The following TPRG1 variants were observed in gnomAD, a reference collection of about 807,000 sequenced individuals.
TPRG1 encodes tumor protein p63 regulated 1.
A neutral mutation model predicts 29.3 loss-of-function variants in TPRG1; 29 were observed. The observed-to-expected ratio is 0.99, with a 90% CI of 0.74 to 1.35. The LOEUF (loss-of-function observed/expected upper bound fraction) is 1.35, where lower values mean the gene tolerates loss of function less well. Ranked by LOEUF, TPRG1 falls within the 40% of genes most tolerant of loss-of-function variation. The probability of loss-of-function intolerance (pLI) is 0.00; values close to 1 mark genes in which losing one functional copy is unlikely to be tolerated. For synonymous variants in TPRG1, 130 were observed against 116.8 expected, an observed-to-expected ratio of 1.11 and a Z score of -0.73; for missense variants, 327 against 335.0, an observed-to-expected ratio of 0.98 and a Z score of 0.19.
At chr3:189,108,219 C>T (rs1560451591) in intron 1 of TPRG1, among the ~76,000 whole-genome samples, 1 of 152,142 alleles carries the variant, frequency 6.6e-6, no homozygotes, top group Non-Finnish European at 1.5e-5. Context: ...AGAGTGTGCT[C>T]TGCAATTGGA....
intron 2 of TPRG1, 77 bp downstream of exon 2, chr3:189,207,671 A>AT: frequency 7.4e-7 from 1 of 1,347,028 alleles, no homozygotes; most frequent in African/African-American, 1.4e-5. Context: ...TGTATCACAT[A>AT]TTTACTGAGT....
chr3:189,103,112 C>T (rs1719395929), intron 1 of TPRG1, among the ~76,000 whole-genome samples: 2 of 152,154 alleles, frequency 1.3e-5, no homozygotes, highest in South Asian at 4.1e-4. Context: ...TTTACTTTGC[C>T]TCCAAATACC....
intron 1 of TPRG1, among the ~76,000 whole-genome samples, chr3:189,104,557 C>T (rs1719587721): frequency 6.6e-6 from 1 of 152,008 alleles, no homozygotes; most frequent in Non-Finnish European, 1.5e-5. Flanking sequence ...CTAAGGGAAA[C>T]TGTAGGGTGT....
chr3:189,140,495 C>G (rs1049724867), intron 3 of TPRG1, among the ~76,000 whole-genome samples: 1 of 152,176 alleles, frequency 6.6e-6, no homozygotes, highest in Non-Finnish European at 1.5e-5. Flanking sequence ...TTACCTCTTC[C>G]TCACCAACCC....
chr3:189,237,090 GAGTT>G (rs1169385701), intron 3 of TPRG1, among the ~76,000 whole-genome samples: 1 of 152,152 alleles, frequency 6.6e-6, no homozygotes, highest in Non-Finnish European at 1.5e-5. Flanking sequence ...CAATATTACA[GAGTT>G]AGTAAGTGAT....
At chr3:189,292,950 A>G (rs1377927219) in intron 4 of TPRG1, among the ~76,000 whole-genome samples, 1 of 152,124 alleles carries the variant, frequency 6.6e-6, no homozygotes, top group Non-Finnish European at 1.5e-5. Flanking sequence ...GCTTTCTGAG[A>G]CAGGCCAAAA....
At chr3:189,274,241 T>G (rs988232112) in intron 4 of TPRG1, among the ~76,000 whole-genome samples, 1 of 152,118 alleles carries the variant, frequency 6.6e-6, no homozygotes, top group African/African-American at 2.4e-5. Flanking sequence ...CTCTGATAAT[T>G]TTCTTAGAGC....
In TPRG1 at chr3:189,184,795, GCATGGTGTA is replaced by G. The variant is rs545012853; in HGVS notation, c.-10+12668_-10+12676del. Among the ~76,000 whole-genome samples, 32 of 152,262 alleles carry G rather than the reference GCATGGTGTA, an allele frequency of 2.1e-4. 1 individual carries two copies. The South Asian group carries it at 6.4e-3, about 31-fold the overall frequency. On this transcript the variant is annotated intron_variant, in intron 1 of 5. Coordinates refer to ENST00000345063, the MANE Select transcript of TPRG1 (RefSeq NM_198485.4). ...TGCCCTTGTGCTTCTGCCATCCCCT[GCATGGTGTA>G]CATCATACACATTTATTAAGTATCT... is the stretch of plus-strand genomic sequence containing the variant.
chr3:189,024,683 G>A (rs1241994181), intron 4 of TPRG1, among the ~76,000 whole-genome samples: 5 of 152,180 alleles, frequency 3.3e-5, no homozygotes, highest in Admixed American at 3.3e-4. Flanking sequence ...TGGGCACTCC[G>A]TTCCAGGGAG....
chr3:189,003,966 C>T (rs942476193), intron 2 of TPRG1, among the ~76,000 whole-genome samples: 1 of 152,072 alleles, frequency 6.6e-6, no homozygotes, highest in Non-Finnish European at 1.5e-5. Context: ...TACCATATGG[C>T]CCTTGCCCCT....
At chr3:189,195,127 G>A (rs754923550) in intron 1 of TPRG1, among the ~76,000 whole-genome samples, 1 of 152,092 alleles carries the variant, frequency 6.6e-6, no homozygotes, top group Non-Finnish European at 1.5e-5. Flanking sequence ...ATCAGCTCAG[G>A]CCTGAGGGTA....
chr3:189,043,538 G>T (rs575410290), intron 4 of TPRG1, among the ~76,000 whole-genome samples: 45 of 152,244 alleles, frequency 3.0e-4, no homozygotes, highest in African/African-American at 1.0e-3. Context: ...CACCCCTGAT[G>T]GAAGAACAAT....
At chr3:189,187,571 C>A (rs1172108402) in intron 1 of TPRG1, among the ~76,000 whole-genome samples, 2 of 152,158 alleles carry the variant, frequency 1.3e-5, no homozygotes, top group East Asian at 3.9e-4. Context: ...CCTGCCTCGG[C>A]CTCCCAAAGT....
intron 4 of TPRG1, among the ~76,000 whole-genome samples, chr3:189,094,494 G>T (rs761221256): frequency 7.9e-5 from 12 of 152,146 alleles, no homozygotes; most frequent in Non-Finnish European, 1.5e-4. Context: ...CTCTTTAAGA[G>T]GTCCCAGGTT....
intron 4 of TPRG1, among the ~76,000 whole-genome samples, chr3:189,024,377 C>T (rs1464895155): frequency 1.3e-5 from 2 of 152,224 alleles, no homozygotes; most frequent in Admixed American, 1.3e-4. Context: ...GTCACCCAAA[C>T]AGCAAAGGTA....
intron 4 of TPRG1, among the ~76,000 whole-genome samples, chr3:189,281,472 A>T (rs1432158549): frequency 6.6e-6 from 1 of 152,142 alleles, no homozygotes; most frequent in Admixed American, 6.5e-5. Context: ...AGATGAAAAT[A>T]TTTTTTGTTT....
chr3:189,177,540 ATATG>A (rs890215556), intron 1 of TPRG1, among the ~76,000 whole-genome samples: 2 of 151,736 alleles, frequency 1.3e-5, no homozygotes, highest in Non-Finnish European at 2.9e-5. Context: ...ACATATATAT[ATATG>A]GTATTCACAG....
chr3:189,116,453 A>T (rs1721184962), intron 1 of TPRG1, among the ~76,000 whole-genome samples: 1 of 152,236 alleles, frequency 6.6e-6, no homozygotes, highest in Non-Finnish European at 1.5e-5. Context: ...CTGGGATTAC[A>T]GACATGAGCC....
intron 5 of TPRG1, among the ~76,000 whole-genome samples, chr3:189,316,987 G>C (rs1723643322): frequency 6.6e-6 from 1 of 152,112 alleles, no homozygotes; most frequent in African/African-American, 2.4e-5. Context: ...CCCTGGCTTT[G>C]AAGGGGCTCC....
Sources: allele counts gnomAD v4.1 joint callset (sites outside exome capture counted in the v4.1 genomes callset), GRCh38; gene constraint gnomAD v4.1.1; transcripts MANE v1.5; gene names NCBI Gene and HGNC (gene_info 2026-07-23, HGNC 2026-07-21).